TONSL: variants seen among roughly 807,000 people sequenced by gnomAD.
The protein encoded by TONSL is tonsoku-like protein.
TONSL carries 112 observed loss-of-function variants against 147.1 expected under a neutral mutation model. The ratio of observed to expected loss-of-function variants is 0.76; its 90% confidence interval spans 0.65 to 0.89. The LOEUF is 0.89. Among genes scored for constraint, TONSL ranks in the 40% least tolerant of loss-of-function variants. TONSL has a pLI of 0.00. For missense variants in TONSL, 1,883 were observed against 1,864.6 expected, an observed-to-expected ratio of 1.01 and a Z score of -0.18; for synonymous variants, 868 against 801.5, an observed-to-expected ratio of 1.08 and a Z score of -1.40.
intron 4 of TONSL, 129 bp downstream of exon 4, chr8:144,443,009 C>T: frequency 1.6e-6 from 2 of 1,280,612 alleles, no homozygotes; most frequent in Non-Finnish European, 2.1e-6. Context: ...GCATGCACCC[C>T]TCACACAAGA....
chr8:144,431,546 GCT>G (rs1227056382), intron 23 of TONSL, among the ~76,000 whole-genome samples: 1 of 151,506 alleles, frequency 6.6e-6, no homozygotes, highest in African/African-American at 2.4e-5. Context: ...ACAGAGTCTC[GCT>G]CTGTCGCCCA....
In TONSL at chr8:144,440,058, T is replaced by A; in HGVS notation, c.1443A>T (p.Glu481Asp). 1 of 1,546,246 alleles carries A rather than the reference T, an allele frequency of 6.5e-7. No individual in the cohort carries two copies. Among genetic ancestry groups the A allele is most frequent in the East Asian group, 2.2e-5 (1 of 44,510 alleles). ...AEEAAATAESEALEAGEVELS... is the reference protein window; with the variant it reads ...AEEAAATAESDALEAGEVELS... ...GCTCCACCTCGCCGGCCTCCAGGGC[T>A]TCGCTCTCCGCTGTGGCTGCCGCCT... Residue 481 changes from glutamate (E) to aspartate (D), a missense_variant, in exon 11 of 26, where the codon GAA becomes GAT. Coordinates refer to ENST00000409379, the MANE Select transcript of TONSL (RefSeq NM_013432.5).
chr8:144,439,728 A>C, intron 11 of TONSL: 1 of 461,012 alleles, frequency 2.2e-6, no homozygotes, highest in Non-Finnish European at 3.8e-6. Flanking sequence ...GGCTCTTCAA[A>C]GTGCACCGTC....
In TONSL at chr8:144,443,153, C is replaced by T. The variant is rs1474637182; in HGVS notation, c.433G>A (p.Asp145Asn). The T allele has an allele frequency of 6.4e-7, 1 of 1,550,416 alleles. No homozygotes were observed. The highest frequency in any genetic ancestry group is 2.0e-5 in the Admixed American group (1 of 50,988). The change falls in exon 4 of 26, where the codon GAT becomes AAT. Residue 145 changes from aspartate to asparagine, a missense_variant. By Grantham distance (23) the Asp-to-Asn change is conservative. Coordinates refer to ENST00000409379, the MANE Select transcript of TONSL (RefSeq NM_013432.5). The part of the protein sequence containing the change: ...AAFEKSLAIV[D>N]EELEGTLAQG... ...GTCTGCCCACCCTCCAGCTCCTCAT[C>T]CACAATAGCCAAGCTCTTCTCAAAG... is the stretch of plus-strand genomic sequence containing the variant.
rs781476777 is a variant in TONSL, at chr8:144,438,458, G to A, written c.1653+13C>T. ...GCTAGGCAGCCTGTCCCACGTCCCA[G>A]AGCGGGGCCCACCTGCCTCACAAGG... is the stretch of plus-strand genomic sequence containing the variant. On this transcript the variant is annotated intron_variant, in intron 13 of 25. Transcript: ENST00000409379. The A allele has an allele frequency of 1.9e-6, 3 of 1,611,444 alleles. No individual in the cohort carries two copies. Among genetic ancestry groups the A allele is most frequent in the Non-Finnish European group, 1.7e-6 (2 of 1,179,420 alleles).
intron 23 of TONSL, among the ~76,000 whole-genome samples, chr8:144,431,461 T>C (rs528387286): frequency 6.6e-6 from 1 of 152,260 alleles, no homozygotes; most frequent in East Asian, 1.9e-4. Context: ...TGGGCAGGAA[T>C]TCACAGCCTG....
chr8:144,435,909 G>C lies in TONSL; in HGVS notation c.2524C>G (p.Leu842Val), dbSNP rs762552611. ...AGDWLELDMP[L>V]TRSRRPRPRG... is the part of the protein sequence containing the mutation. ...GGGCGGGGCCGGCGGCTGCGGGTCA[G>C]GGGCATGTCCAGCTCCAGCCAGTCC... is the stretch of plus-strand genomic sequence containing the variant. Residue 842 changes from leucine to valine, a missense_variant, in exon 17 of 26, where the codon CTG becomes GTG. Coordinates refer to ENST00000409379, the MANE Select transcript of TONSL (RefSeq NM_013432.5). 6.3e-7 allele frequency: 1 copy of C among 1,591,864 alleles called. No homozygotes were observed. Among genetic ancestry groups the C allele is most frequent in the Non-Finnish European group, 8.6e-7 (1 of 1,166,404 alleles).
chr8:144,443,905 C>G lies in TONSL; in HGVS notation c.241G>C (p.Glu81Gln), dbSNP rs1190217588. 6.5e-7 allele frequency: 1 copy of G among 1,545,538 alleles called. No individual in the cohort carries two copies. The highest frequency in any genetic ancestry group is 1.4e-5 in the African/African-American group (1 of 73,174). The change falls in exon 3 of 26, where the codon GAG (glutamate) becomes CAG (glutamine). Residue 81 changes from glutamate (E) to glutamine (Q), a missense_variant. By Grantham distance (29) the Glu-to-Gln change is conservative. Coordinates refer to ENST00000409379, the MANE Select transcript of TONSL (RefSeq NM_013432.5). ...ACCTGCAAGGCAGCCGGGTAGTCCT[C>G]CATCTCGGCCAGGCGCTCTCCGATC... is the stretch of plus-strand genomic sequence containing the variant. ...RKIGERLAEM[E>Q]DYPAALQHQH...
Position 144,435,777 on chromosome 8 carries a change from T to C in TONSL, c.2656A>G (p.Ser886Gly). The change falls in exon 17 of 26, where the codon AGT (serine) becomes GGT (glycine). Residue 886 changes from serine to glycine, a missense_variant. Ser to Gly is a moderately conservative substitution (Grantham distance 56, BLOSUM62 0). Transcript: ENST00000409379. ...CCTGCGTTAACTGGCGCACTGCAAC[T>C]CTGCATGCAGGTCAGGCGGACCTGC... is the stretch of plus-strand genomic sequence containing the variant. ...AKQVRLTCMQ[S>G]CSAPVNAGPS... The C allele has an allele frequency of 6.2e-7, 1 of 1,612,854 alleles. No homozygotes were observed. Among genetic ancestry groups the C allele is most frequent in the Non-Finnish European group, 8.5e-7 (1 of 1,179,920 alleles).
At chr8:144,429,369 G>A in intron 25 of TONSL, 33 bp from the exon 26 acceptor site, 1 of 1,364,938 alleles carries the variant, frequency 7.3e-7, no homozygotes. Flanking sequence ...CCTCAGCGCT[G>A]CGGGGGCCGG....
Position 144,436,366 on chromosome 8 carries a change from G to C in TONSL, c.2067C>G (p.Pro689=). 1 of 1,503,258 alleles carries C rather than the reference G, an allele frequency of 6.7e-7. No individual in the cohort carries two copies. Among genetic ancestry groups the C allele is most frequent in the Non-Finnish European group, 8.8e-7 (1 of 1,133,266 alleles). The allele number at this position is 1,503,258 out of a possible 1,614,324, so 93.1% of individuals were successfully genotyped here. The change falls in exon 17 of 26, where the codon CCC becomes CCG. Residue 689 remains proline (P), a synonymous_variant. Coordinates refer to ENST00000409379, the MANE Select transcript of TONSL (RefSeq NM_013432.5). ...FHTPSSLLFD[P]ETSPPLSPCP... ...AGGGGCTCAAAGGAGGAGAGGTCTCGGGGTCAAACAGAAGGCTGCTTGGGG... is the reference window on the plus strand; with the variant it reads ...AGGGGCTCAAAGGAGGAGAGGTCTCCGGGTCAAACAGAAGGCTGCTTGGGG...
At chr8:144,440,929 A>G in intron 8 of TONSL, 37 bp downstream of exon 8, 1 of 1,612,720 alleles carries the variant, frequency 6.2e-7, no homozygotes, top group East Asian at 2.2e-5. Flanking sequence ...CGTCAACCTC[A>G]CTGGCCCTTC....
chr8:144,435,803 T>C lies in TONSL; in HGVS notation c.2630A>G (p.Lys877Arg), dbSNP rs1823424975. 1 of 1,612,586 alleles carries C rather than the reference T, an allele frequency of 6.2e-7. No individual in the cohort carries two copies. The highest frequency in any genetic ancestry group is 1.3e-5 in the African/African-American group (1 of 74,826). ...CTGCATGCAGGTCAGGCGGACCTGC[T>C]TGGCTCGGGCACGGGGCCTGCTCTC... ...SEESRPRARA[K>R]QVRLTCMQSC... The change falls in exon 17 of 26, where the codon AAG becomes AGG. Residue 877 changes from lysine (K) to arginine (R), a missense_variant. Physicochemically the swap from Lys to Arg is conservative, Grantham distance 26. Coordinates refer to ENST00000409379, the MANE Select transcript of TONSL (RefSeq NM_013432.5).
Position 144,436,283 on chromosome 8 carries a change from C to T in TONSL, c.2150G>A (p.Arg717Lys). 1 of 1,510,838 alleles carries T rather than the reference C, an allele frequency of 6.6e-7. No homozygotes were observed. Among genetic ancestry groups the T allele is most frequent in the South Asian group, 1.3e-5 (1 of 77,174 alleles). The allele number at this position is 1,510,838 out of a possible 1,614,324, so 93.6% of individuals were successfully genotyped here. Residue 717 changes from arginine to lysine, a missense_variant, in exon 17 of 26, where the codon AGG (arginine) becomes AAG (lysine). By Grantham distance (26) the Arg-to-Lys change is conservative (BLOSUM62 2). Transcript: ENST00000409379. ...TGGTGCCGCCTGCCCTGGGGAGACC[C>T]TGACATGGGCCTGAGAGGCCTCTGG... ...RLPEASQAHV[R>K]VSPGQAAPAM...
Position 144,440,700 on chromosome 8 carries a change from G to A in TONSL, c.1164+18C>T, listed in dbSNP as rs779321465. The A allele has an allele frequency of 2.2e-5, 36 of 1,606,928 alleles. No individual in the cohort carries two copies. The highest frequency in any genetic ancestry group is 2.0e-4 in the East Asian group (9 of 44,776). ...GACATGGGTGAACCTGCATTCGGGC[G>A]GGGAGCAAGGGTTTCACCTCCAGCA... On this transcript the variant is annotated intron_variant, in intron 9 of 25. Coordinates refer to ENST00000409379, the MANE Select transcript of TONSL (RefSeq NM_013432.5).
In TONSL at chr8:144,441,224, C is replaced by T. The variant is rs1488731870; in HGVS notation, c.866-113G>A. On this transcript the variant is annotated intron_variant, in intron 7 of 25. Coordinates refer to ENST00000409379, the MANE Select transcript of TONSL (RefSeq NM_013432.5). ...CCCCCCACTCTCTCCACACCTCTGC[C>T]TGCCTGTTGGTGTGGGGGTTAATAG... 13 of 1,429,824 alleles carry T rather than the reference C, an allele frequency of 9.1e-6. No individual in the cohort carries two copies. In the Admixed American group the frequency reaches 2.7e-4, roughly 30 times the overall value. The allele number at this position is 1,429,824 out of a possible 1,614,324, so 88.6% of individuals were successfully genotyped here.
intron 10 of TONSL, 48 bp downstream of exon 10, chr8:144,440,303 A>C: frequency 1.3e-6 from 2 of 1,564,246 alleles, no homozygotes; most frequent in Non-Finnish European, 1.7e-6. Flanking sequence ...GGCTGCAACG[A>C]AGCTGGGCTC....
chr8:144,439,785 C>T, intron 11 of TONSL: 1 of 540,414 alleles, frequency 1.9e-6, no homozygotes, highest in Non-Finnish European at 3.2e-6. Flanking sequence ...GGGACCATGC[C>T]CCAGCTGACA....
At chr8:144,444,315 T>G (rs1479405892) in intron 1 of TONSL, 40 bp from the exon 2 acceptor site, 2 of 1,340,102 alleles carry the variant, frequency 1.5e-6, no homozygotes, top group Non-Finnish European at 9.6e-7. Flanking sequence ...CGCGGCGGGG[T>G]CCGGGGCCGG....
Sources: allele counts gnomAD v4.1 joint callset (sites outside exome capture counted in the v4.1 genomes callset), GRCh38; gene constraint gnomAD v4.1.1; transcripts MANE v1.5; gene names NCBI Gene and HGNC (gene_info 2026-07-23, HGNC 2026-07-21).